Variants in TENM4 observed in about 807,000 individuals in gnomAD.
TENM4 encodes teneurin transmembrane protein 4.
In TENM4, 82 loss-of-function variants were observed where a neutral mutation model predicts 243.3. That is an observed-to-expected ratio of 0.34 (90% confidence interval 0.28 to 0.40). The LOEUF (loss-of-function observed/expected upper bound fraction) is 0.40. TENM4 is among the 10% of genes least tolerant of loss of function. The pLI, the probability that TENM4 is intolerant of heterozygous loss-of-function variation, is 1.00. For missense variants in TENM4, 3,138 were observed against 3,673.3 expected (o/e 0.85, Z 3.77); for synonymous variants, 1,412 against 1,456.3 (o/e 0.97, Z 0.69).
intron 3 of TENM4, among the ~76,000 whole-genome samples, chr11:79,184,340 C>A (rs4614487): frequency 0.028 from 4,246 of 152,104 alleles, 221 homozygotes; most frequent in African/African-American, 0.098. Flanking sequence ...GACATTAGAT[C>A]CTCATAAGGA....
intron 2 of TENM4, among the ~76,000 whole-genome samples, chr11:79,223,510 C>T (rs966289984): frequency 6.6e-6 from 1 of 152,120 alleles, no homozygotes; most frequent in Non-Finnish European, 1.5e-5. Flanking sequence ...AAAATGCAAA[C>T]CTGACCCTCC....
chr11:79,390,983 T>C (rs565815), intron 1 of TENM4, among the ~76,000 whole-genome samples: 77,234 of 152,094 alleles, frequency 0.51, 19,723 homozygotes, highest in East Asian at 0.55. Context: ...TAACTCTTGT[T>C]TGCTTGAGCC....
chr11:78,881,286 T>TG (rs948873861), intron 9 of TENM4, among the ~76,000 whole-genome samples: 1 of 152,156 alleles, frequency 6.6e-6, no homozygotes, highest in African/African-American at 2.4e-5. Context: ...TTTTTCACCC[T>TG]GCTCTGTGCC....
At chr11:79,040,797 T>G (rs1475259647) in intron 6 of TENM4, among the ~76,000 whole-genome samples, 2 of 152,180 alleles carry the variant, frequency 1.3e-5, no homozygotes, top group Non-Finnish European at 2.9e-5. Flanking sequence ...AGAAACCCAC[T>G]GTGGGTATAA....
At chr11:79,115,571 T>TG (rs1209344008) in intron 4 of TENM4, among the ~76,000 whole-genome samples, 6 of 152,228 alleles carry the variant, frequency 3.9e-5, no homozygotes, top group Non-Finnish European at 5.9e-5. Flanking sequence ...TCCTCTAGCC[T>TG]GACCTCTTTC....
At chr11:78,971,942 C>T (rs1175548982) in intron 6 of TENM4, among the ~76,000 whole-genome samples, 1 of 152,080 alleles carries the variant, frequency 6.6e-6, no homozygotes, top group African/African-American at 2.4e-5. Context: ...ATAAAAAGAG[C>T]ATGATGCAAA....
chr11:79,355,583 C>T (rs953139396), intron 1 of TENM4, among the ~76,000 whole-genome samples: 12 of 152,216 alleles, frequency 7.9e-5, no homozygotes, highest in Non-Finnish European at 2.9e-5. Context: ...CTCTGGAACA[C>T]ACCTTCTTCT....
At chr11:79,348,749 T>C (rs1444622304) in intron 1 of TENM4, among the ~76,000 whole-genome samples, 1 of 152,186 alleles carries the variant, frequency 6.6e-6, no homozygotes, top group Admixed American at 6.5e-5. Flanking sequence ...TAAATGTCTG[T>C]TGTTTAAGCC....
chr11:78,736,487 CGT>C (rs58721349), intron 20 of TENM4, among the ~76,000 whole-genome samples: 119 of 144,892 alleles, frequency 8.2e-4, no homozygotes, highest in Admixed American at 3.1e-3. Flanking sequence ...TGTGCGCGCG[CGT>C]GCATGTGAGT....
intron 3 of TENM4, among the ~76,000 whole-genome samples, chr11:79,160,632 C>G (rs7118584): frequency 0.052 from 7,944 of 151,962 alleles, 688 homozygotes; most frequent in African/African-American, 0.18. Context: ...GTGACAGGTG[C>G]CAGGGTCAGG....
chr11:78,895,091 C>A (rs1244989311), intron 7 of TENM4, among the ~76,000 whole-genome samples: 1 of 149,986 alleles, frequency 6.7e-6, no homozygotes, highest in Non-Finnish European at 1.5e-5. Flanking sequence ...CGCCTGTAAT[C>A]CCAGCACTTT....
chr11:79,228,522 C>T (rs1247586985), intron 2 of TENM4, among the ~76,000 whole-genome samples: 1 of 152,112 alleles, frequency 6.6e-6, no homozygotes, highest in African/African-American at 2.4e-5. Context: ...CCATCCCCAC[C>T]CACCTTCTCA....
chr11:78,852,776 G>T (rs918883558), intron 12 of TENM4, among the ~76,000 whole-genome samples: 6 of 152,146 alleles, frequency 3.9e-5, no homozygotes, highest in Non-Finnish European at 8.8e-5. Flanking sequence ...TTGAGACAGT[G>T]TCTCAGTCTG....
At chr11:78,937,995 C>A (rs1391867100) in intron 6 of TENM4, among the ~76,000 whole-genome samples, 1 of 152,140 alleles carries the variant, frequency 6.6e-6, no homozygotes, top group Non-Finnish European at 1.5e-5. Context: ...ATCATCCTTT[C>A]CCACCGAGGT....
intron 1 of TENM4, among the ~76,000 whole-genome samples, chr11:79,333,706 A>ATATCCTAAGAAAAATG (rs1357014233): frequency 1.3e-5 from 2 of 152,252 alleles, no homozygotes; most frequent in East Asian, 3.8e-4. Context: ...AGAAAAATGA[A>ATATCCTAAGAAAAATG]ACTACACCTA....
intron 6 of TENM4, among the ~76,000 whole-genome samples, chr11:78,946,197 G>A (rs941078341): frequency 2.0e-5 from 3 of 152,224 alleles, no homozygotes; most frequent in Non-Finnish European, 4.4e-5. Context: ...TGACTCTCTT[G>A]TCAGGGGCTA....
At chr11:79,074,653 C>T (rs1046610351) in intron 4 of TENM4, among the ~76,000 whole-genome samples, 2 of 152,186 alleles carry the variant, frequency 1.3e-5, no homozygotes, top group Non-Finnish European at 2.9e-5. Flanking sequence ...ACATCCCATA[C>T]TCTTTAACAT....
At chr11:79,006,215 T>C (rs189856674) in intron 6 of TENM4, among the ~76,000 whole-genome samples, 13 of 152,222 alleles carry the variant, frequency 8.5e-5, no homozygotes, top group African/African-American at 3.1e-4. Context: ...CCTCCCTTTC[T>C]ACCCCCTACT....
chr11:79,008,457 C>A (rs781740892), intron 6 of TENM4, among the ~76,000 whole-genome samples: 6 of 152,314 alleles, frequency 3.9e-5, no homozygotes, highest in Non-Finnish European at 5.9e-5. Flanking sequence ...TCACACAACA[C>A]TATTAACATT....
Sources: gnomAD v4.1 joint callset for allele counts (sites outside exome capture counted in the v4.1 genomes callset) on GRCh38, gnomAD v4.1.1 for gene constraint, MANE v1.5 for transcripts, NCBI Gene and HGNC (gene_info 2026-07-23, HGNC 2026-07-21) for gene names.